Variants in EPHA6 observed in about 807,000 individuals in gnomAD.
EPHA6 encodes the protein EPH receptor A6.
A neutral mutation model predicts 112.0 loss-of-function variants in EPHA6; 50 were observed. The ratio of observed to expected loss-of-function variants is 0.45; its 90% CI spans 0.36 to 0.56. The LOEUF (loss-of-function observed/expected upper bound fraction) is 0.56, where lower values mean the gene tolerates loss of function less well. EPHA6 is among the 20% of genes least tolerant of loss of function. The pLI is 0.00. For synonymous variants in EPHA6, 529 were observed against 490.7 expected (o/e 1.08, Z -1.03); for missense variants, 1,280 against 1,417.4 (o/e 0.90, Z 1.56).
chr3:97,032,549 A>C (rs1479987764), intron 3 of EPHA6, among the ~76,000 whole-genome samples: 1 of 152,100 alleles, frequency 6.6e-6, no homozygotes, highest in Non-Finnish European at 1.5e-5. Flanking sequence ...AGATCCACAC[A>C]TGAAGGTCAC....
intron 5 of EPHA6, among the ~76,000 whole-genome samples, chr3:97,362,187 A>G (rs951034519): frequency 2.0e-5 from 3 of 152,134 alleles, no homozygotes; most frequent in African/African-American, 4.8e-5. Flanking sequence ...GGAGATTTAC[A>G]TCTGTTTCTC....
At chr3:97,231,201 G>A (rs749551313) in intron 4 of EPHA6, among the ~76,000 whole-genome samples, 2 of 152,110 alleles carry the variant, frequency 1.3e-5, no homozygotes, top group Non-Finnish European at 2.9e-5. Flanking sequence ...TCCAAAGAGA[G>A]AACCCCCAAA....
chr3:97,182,310 C>T (rs1377689851), intron 3 of EPHA6, among the ~76,000 whole-genome samples: 2 of 148,832 alleles, frequency 1.3e-5, no homozygotes, highest in Non-Finnish European at 3.0e-5. Context: ...GACTTTTATC[C>T]ACAAATTTAT....
At chr3:97,196,171 T>G (rs2077436801) in intron 3 of EPHA6, among the ~76,000 whole-genome samples, 1 of 151,768 alleles carries the variant, frequency 6.6e-6, no homozygotes, top group South Asian at 2.1e-4. Context: ...TCCTTGTTTT[T>G]TTTTTCTTTT....
chr3:97,305,346 ACCCAGCAAT>A (rs1230068552), intron 5 of EPHA6, among the ~76,000 whole-genome samples: 1 of 152,046 alleles, frequency 6.6e-6, no homozygotes, highest in Non-Finnish European at 1.5e-5. Context: ...ATACCACTTG[ACCCAGCAAT>A]CCCATTACTG....
At chr3:96,853,395 T>G (rs931625985) in intron 1 of EPHA6, among the ~76,000 whole-genome samples, 2 of 152,088 alleles carry the variant, frequency 1.3e-5, no homozygotes, top group Non-Finnish European at 1.5e-5. Context: ...TAGCCACAAC[T>G]ATAGCTCTTT....
intron 14 of EPHA6, among the ~76,000 whole-genome samples, chr3:97,706,414 T>C (rs980573819): frequency 7.9e-5 from 12 of 152,316 alleles, no homozygotes; most frequent in African/African-American, 2.9e-4. Flanking sequence ...TATAAAATTC[T>C]GTTTTGTAGG....
intron 3 of EPHA6, among the ~76,000 whole-genome samples, chr3:97,066,355 A>G (rs542147475): frequency 3.9e-5 from 6 of 152,296 alleles, no homozygotes; most frequent in Admixed American, 3.9e-4. Flanking sequence ...TTTCTCTAAT[A>G]AATACTAGAT....
intron 3 of EPHA6, among the ~76,000 whole-genome samples, chr3:97,078,035 C>T (rs1230221454): frequency 6.6e-6 from 1 of 152,142 alleles, no homozygotes; most frequent in Non-Finnish European, 1.5e-5. Flanking sequence ...TCCTATTTCT[C>T]CACATCCTCT....
At chr3:97,494,182 G>C (rs934905564) in intron 10 of EPHA6, among the ~76,000 whole-genome samples, 8 of 152,124 alleles carry the variant, frequency 5.3e-5, no homozygotes, top group Non-Finnish European at 1.2e-4. Flanking sequence ...AATGTAACTT[G>C]TGTATCCACT....
intron 3 of EPHA6, among the ~76,000 whole-genome samples, chr3:97,175,117 G>A (rs190166959): frequency 6.6e-5 from 10 of 151,962 alleles, no homozygotes; most frequent in African/African-American, 1.9e-4. Context: ...TTTGCATGTG[G>A]ATATTCAGTA....
intron 3 of EPHA6, among the ~76,000 whole-genome samples, chr3:97,160,162 C>T (rs530724689): frequency 8.5e-5 from 13 of 152,094 alleles, no homozygotes; most frequent in East Asian, 7.8e-4. Context: ...ACAAGGTGGC[C>T]GGGAAAAAAG....
At chr3:97,080,272 C>A (rs748056374) in intron 3 of EPHA6, among the ~76,000 whole-genome samples, 1 of 152,056 alleles carries the variant, frequency 6.6e-6, no homozygotes. Flanking sequence ...ACTTTCAAAT[C>A]GAGCTGCAAC....
chr3:97,664,350 T>C (rs1330236750), intron 14 of EPHA6, among the ~76,000 whole-genome samples: 1 of 152,198 alleles, frequency 6.6e-6, no homozygotes, highest in Non-Finnish European at 1.5e-5. Context: ...TTAGATCCCA[T>C]TTGTCAGTTT....
At chr3:96,955,964 ATGTT>A in intron 2 of EPHA6, among the ~76,000 whole-genome samples, 1 of 152,336 alleles carries the variant, frequency 6.6e-6, no homozygotes, top group Non-Finnish European at 1.5e-5. Flanking sequence ...GGGATAAAAA[ATGTT>A]TGGAACACAT....
chr3:96,917,572 C>T (rs2039550949), intron 2 of EPHA6, among the ~76,000 whole-genome samples: 2 of 151,982 alleles, frequency 1.3e-5, no homozygotes, highest in African/African-American at 2.4e-5. Flanking sequence ...AGTGAGCCTG[C>T]TCCCATGCAC....
At chr3:97,497,264 C>CAA in intron 10 of EPHA6, among the ~76,000 whole-genome samples, 1 of 152,282 alleles carries the variant, frequency 6.6e-6, no homozygotes, top group Middle Eastern at 3.4e-3. Context: ...ACGCATTGCT[C>CAA]TGGCAACAAT....
At chr3:97,028,568 A>G (rs1330950670) in intron 3 of EPHA6, among the ~76,000 whole-genome samples, 1 of 152,044 alleles carries the variant, frequency 6.6e-6, no homozygotes, top group Non-Finnish European at 1.5e-5. Flanking sequence ...AAATTGCAAA[A>G]TTGATTTTTA....
chr3:97,246,755 T>C (rs1435069764), intron 5 of EPHA6, among the ~76,000 whole-genome samples: 1 of 151,918 alleles, frequency 6.6e-6, no homozygotes, highest in Non-Finnish European at 1.5e-5. Flanking sequence ...GCCTTAAATA[T>C]AAGCATCTAC....
Sources: allele counts gnomAD v4.1 joint callset (sites outside exome capture counted in the v4.1 genomes callset), GRCh38; gene constraint gnomAD v4.1.1; transcripts MANE v1.5; gene names NCBI Gene and HGNC (gene_info 2026-07-23, HGNC 2026-07-21).